The following SLC4A4 variants were observed in gnomAD, a reference collection of about 807,000 sequenced individuals.
The protein encoded by SLC4A4 is electrogenic sodium bicarbonate cotransporter 1.
SLC4A4 carries 27 observed loss-of-function variants against 111.5 expected under a neutral mutation model. That is an observed-to-expected ratio of 0.24 (90% CI 0.18 to 0.33). SLC4A4 has a LOEUF of 0.33. Among genes scored for constraint, SLC4A4 ranks in the 10% least tolerant of loss-of-function variants. The pLI, the probability that SLC4A4 is intolerant of heterozygous loss-of-function variation, is 1.00. For synonymous variants in SLC4A4, 443 were observed against 463.4 expected (o/e 0.96, Z 0.57); for missense variants, 909 against 1,315.5 (o/e 0.69, Z 4.78).
intron 1 of SLC4A4, among the ~76,000 whole-genome samples, chr4:71,081,756 C>T (rs954575765): frequency 2.0e-5 from 3 of 152,066 alleles, no homozygotes; most frequent in Non-Finnish European, 4.4e-5. Context: ...GACTTTGCTA[C>T]CACCGGCTCC....
At chr4:71,130,375 A>G (rs1391533397) in intron 2 of SLC4A4, among the ~76,000 whole-genome samples, 2 of 152,124 alleles carry the variant, frequency 1.3e-5, no homozygotes, top group African/African-American at 4.8e-5. Context: ...AACTACAGGC[A>G]TGTGCCTCCA....
intron 6 of SLC4A4, among the ~76,000 whole-genome samples, chr4:71,361,492 G>A (rs958422730): frequency 6.6e-6 from 1 of 152,230 alleles, no homozygotes; most frequent in African/African-American, 2.4e-5. Flanking sequence ...ATGCCTGCCA[G>A]GTACTAAATT....
chr4:71,451,425 C>T (rs1725751325), intron 11 of SLC4A4, 124 bp downstream of exon 11: 2 of 732,042 alleles, frequency 2.7e-6, no homozygotes, highest in East Asian at 2.7e-5. Context: ...TTATGGTATA[C>T]CTATTTGTCA....
At chr4:71,288,056 T>C (rs185809649) in intron 3 of SLC4A4, among the ~76,000 whole-genome samples, 1 of 152,310 alleles carries the variant, frequency 6.6e-6, no homozygotes, top group East Asian at 1.9e-4. Flanking sequence ...TAAATCTCTA[T>C]CCACTGAGAT....
intron 12 of SLC4A4, among the ~76,000 whole-genome samples, chr4:71,462,504 G>A (rs564667238): frequency 5.1e-4 from 77 of 151,272 alleles, no homozygotes; most frequent in African/African-American, 1.8e-3. Flanking sequence ...TGCCTCCTGG[G>A]TTCAAGCAAT....
chr4:71,349,869 T>C (rs1401523705), intron 4 of SLC4A4, 43 bp from the exon 5 acceptor site: 1 of 1,603,708 alleles, frequency 6.2e-7, no homozygotes. Flanking sequence ...CTAGAGGAAG[T>C]TAGAACACTT....
chr4:71,146,319 G>C (rs1166205528), intron 2 of SLC4A4, among the ~76,000 whole-genome samples: 2 of 152,248 alleles, frequency 1.3e-5, no homozygotes, highest in African/African-American at 2.4e-5. Flanking sequence ...GAGACAGTTT[G>C]TTATAATTTC....
At chr4:71,463,614 C>T (rs1162341262) in intron 12 of SLC4A4, among the ~76,000 whole-genome samples, 2 of 152,118 alleles carry the variant, frequency 1.3e-5, no homozygotes, top group Non-Finnish European at 2.9e-5. Flanking sequence ...TGCCTTTTAA[C>T]AGTCATATGG....
At chr4:71,082,231 C>A (rs1459002102) in intron 1 of SLC4A4, among the ~76,000 whole-genome samples, 1 of 152,020 alleles carries the variant, frequency 6.6e-6, no homozygotes, top group Non-Finnish European at 1.5e-5. Flanking sequence ...TCTTATTCTG[C>A]TTAACTTGGA....
chr4:71,363,741 G>A (rs1731005884), intron 6 of SLC4A4, among the ~76,000 whole-genome samples: 1 of 152,000 alleles, frequency 6.6e-6, no homozygotes, highest in Admixed American at 6.6e-5. Flanking sequence ...CACCTGTTTT[G>A]TTCAGGACTC....
intron 6 of SLC4A4, among the ~76,000 whole-genome samples, chr4:71,384,745 AG>A (rs372856169): frequency 7.2e-5 from 11 of 151,958 alleles, no homozygotes; most frequent in African/African-American, 2.7e-4. Context: ...TGTAATTTTA[AG>A]TAGTAAACCT....
At chr4:71,408,411 C>A (rs150454923) in intron 7 of SLC4A4, among the ~76,000 whole-genome samples, 43 of 152,258 alleles carry the variant, frequency 2.8e-4, no homozygotes, top group African/African-American at 9.6e-4. Context: ...ATCATCATTG[C>A]CATTTTCATT....
At chr4:71,432,166 G>T (rs1419443205) in intron 7 of SLC4A4, among the ~76,000 whole-genome samples, 1 of 152,136 alleles carries the variant, frequency 6.6e-6, no homozygotes, top group East Asian at 1.9e-4. Flanking sequence ...GGCAATTTTT[G>T]ATAAGAAGTG....
intron 7 of SLC4A4, among the ~76,000 whole-genome samples, chr4:71,416,584 C>T (rs1721844951): frequency 6.6e-6 from 1 of 152,020 alleles, no homozygotes; most frequent in African/African-American, 2.4e-5. Flanking sequence ...AAATGGAGAC[C>T]ACAATAATAA....
intron 2 of SLC4A4, among the ~76,000 whole-genome samples, chr4:71,179,680 C>T (rs529173391): frequency 9.2e-5 from 14 of 152,068 alleles, no homozygotes; most frequent in Non-Finnish European, 1.5e-4. Flanking sequence ...AACTACAAAC[C>T]GCTGCTCAAT....
At position 71,376,571 on chromosome 4, in the gene SLC4A4, C is replaced by CAT. The variant is rs752665411; in HGVS notation, c.730+19399_730+19400dup. On this transcript the variant is annotated intron_variant, in intron 6 of 25. Coordinates refer to ENST00000264485, the MANE Select transcript of SLC4A4 (RefSeq NM_001098484.3). ...AAAATCCAATTGTGTGTCATTTAAT[C>CAT]ATATATATATATATATTTAAAATAT... 4.7e-3 allele frequency among the ~76,000 whole-genome samples: 689 copies of CAT among 145,890 alleles called. 3 individuals carry two copies. Among genetic ancestry groups the CAT allele is most frequent in the African/African-American group, 0.011 (442 of 40,152 alleles).
At chr4:71,224,337 A>G (rs1330475652) in intron 1 of SLC4A4, among the ~76,000 whole-genome samples, 3 of 152,144 alleles carry the variant, frequency 2.0e-5, no homozygotes, top group Non-Finnish European at 4.4e-5. Flanking sequence ...AGACTCCCCA[A>G]GATATTTGGA....
intron 3 of SLC4A4, among the ~76,000 whole-genome samples, chr4:71,303,169 T>C (rs900268958): frequency 2.0e-5 from 3 of 152,300 alleles, no homozygotes; most frequent in Middle Eastern, 3.4e-3. Context: ...TGAGGCACAT[T>C]ACAGATACAA....
chr4:71,231,698 T>C (rs936824114), intron 1 of SLC4A4, among the ~76,000 whole-genome samples: 2 of 152,200 alleles, frequency 1.3e-5, no homozygotes, highest in Non-Finnish European at 2.9e-5. Flanking sequence ...ATGCTGGTGA[T>C]GTGAGCAACC....
Sources: allele counts gnomAD v4.1 joint callset (sites outside exome capture counted in the v4.1 genomes callset), GRCh38; gene constraint gnomAD v4.1.1; transcripts MANE v1.5; gene names NCBI Gene and HGNC (gene_info 2026-07-23, HGNC 2026-07-21).